The following PDE4A variants were observed in gnomAD, a reference collection of about 807,000 sequenced individuals.
PDE4A encodes 3',5'-cyclic-AMP phosphodiesterase 4A.
A neutral mutation model predicts 73.9 loss-of-function variants in PDE4A; 21 were observed. That is an observed-to-expected ratio of 0.28 (90% CI 0.20 to 0.41). PDE4A has a LOEUF of 0.41. Ranked by LOEUF, PDE4A falls within the 10% of genes least tolerant of loss-of-function variation. The probability of loss-of-function intolerance (pLI) is 1.00; values close to 1 mark genes in which losing one functional copy is unlikely to be tolerated. For missense variants in PDE4A, 958 were observed against 1,211.4 expected (o/e 0.79, Z 3.10); for synonymous variants, 463 against 505.4 (o/e 0.92, Z 1.13).
At chr19:10,441,014 T>C (rs1047325247) in intron 1 of PDE4A, among the ~76,000 whole-genome samples, 4 of 150,758 alleles carry the variant, frequency 2.7e-5, no homozygotes, top group Non-Finnish European at 1.5e-5. Context: ...CTGGGATTAC[T>C]GGTCTGAGCC....
intron 7 of PDE4A, 38 bp downstream of exon 7, chr19:10,454,960 A>G: frequency 6.2e-7 from 1 of 1,605,480 alleles, no homozygotes; most frequent in Non-Finnish European, 8.5e-7. Context: ...GAGGGGGGAC[A>G]TTTGGGGTAG....
Position 10,467,851 on chromosome 19 carries a change from A to C in PDE4A, c.*230A>C, listed in dbSNP as rs201176184. On this transcript the variant is annotated 3_prime_UTR_variant, in exon 15 of 15. Transcript: ENST00000380702. ...GGGGAATGAGGGGCTGAGGTCCCGG[A>C]AGGGATTTTATTTTTTTGAATTTTA... 4.4e-5 allele frequency: 17 copies of C among 390,482 alleles called. No individual in the cohort carries two copies. The highest frequency in any genetic ancestry group is 7.7e-5 in the Non-Finnish European group (17 of 221,690). 24.2% of individuals were successfully genotyped at this position (390,482 alleles called of 1,614,324 possible).
At position 10,453,777 on chromosome 19, in the gene PDE4A, G is replaced by A. The variant is rs2043130459; in HGVS notation, c.784-1052G>A. Among the ~76,000 whole-genome samples, 1 of 152,116 alleles carries A rather than the reference G, an allele frequency of 6.6e-6. No individual in the cohort carries two copies. Among genetic ancestry groups the A allele is most frequent in the Non-Finnish European group, 1.5e-5 (1 of 68,018 alleles). ...GCCCTTTGATCTGTGTGTCTGGGCTGTGTGACGCTGTGTAGGACTGAGAGC... is the reference window on the plus strand; with the variant it reads ...GCCCTTTGATCTGTGTGTCTGGGCTATGTGACGCTGTGTAGGACTGAGAGC... On this transcript the variant is annotated intron_variant, in intron 6 of 14. Transcript: ENST00000380702. The surrounding 1 kb of genome is among the most constrained non-coding windows in gnomAD (Gnocchi z 4.6).
intron 1 of PDE4A, among the ~76,000 whole-genome samples, chr19:10,426,610 C>T (rs992942039): frequency 8.6e-5 from 13 of 151,972 alleles, no homozygotes; most frequent in Non-Finnish European, 1.8e-4. Flanking sequence ...GTGGCTCAGG[C>T]CTGTAATCCC....
chr19:10,417,322 G>A (rs568963179), upstream of PDE4A: 193 of 985,302 alleles, frequency 2.0e-4, 3 homozygotes, highest in South Asian at 8.4e-3. Context: ...AAGACCAAGA[G>A]GGGCCCTCTT....
At chr19:10,460,605 G>A (rs1488848564) in intron 10 of PDE4A, among the ~76,000 whole-genome samples, 2 of 150,546 alleles carry the variant, frequency 1.3e-5, no homozygotes, top group Non-Finnish European at 3.0e-5. Flanking sequence ...GTCAGAAATG[G>A]CCAACATGGC....
intron 8 of PDE4A, 179 bp from the exon 9 acceptor site, chr19:10,459,221 C>G (rs1025138244): frequency 2.8e-6 from 3 of 1,076,302 alleles, no homozygotes; most frequent in Middle Eastern, 2.1e-4. Context: ...GCTGTGATTG[C>G]TTTCGCTATT....
intron 1 of PDE4A, among the ~76,000 whole-genome samples, chr19:10,427,086 G>A (rs1203867769): frequency 1.3e-5 from 2 of 152,018 alleles, no homozygotes; most frequent in East Asian, 3.9e-4. Context: ...TGGATCACGA[G>A]GTCACGAGTT....
intron 2 of PDE4A, among the ~76,000 whole-genome samples, chr19:10,447,217 C>CTTTTTTTTTT (rs34169084): frequency 1.7e-5 from 1 of 59,200 alleles, no homozygotes; most frequent in Non-Finnish European, 2.9e-5. Context: ...CTTTTTTTCT[C>CTTTTTTTTTT]TTTTTTTTTT....
rs926100035 is a variant in PDE4A, at chr19:10,463,701, C to T, written c.1744-92C>T. The T allele has an allele frequency of 4.5e-6, 7 of 1,568,694 alleles. No individual in the cohort carries two copies. The African/African-American group carries it at 9.5e-5, about 21-fold the overall frequency. On this transcript the variant is annotated intron_variant, in intron 13 of 14. Coordinates refer to ENST00000380702, the MANE Select transcript of PDE4A (RefSeq NM_001111307.2). ...CAGGCGTGAGCCACAGTGCCTGGCC[C>T]CCATTTCTTAAAAAAGAAGGAATGC...
intron 2 of PDE4A, 45 bp downstream of exon 2, chr19:10,446,454 C>T: frequency 6.3e-7 from 1 of 1,575,402 alleles, no homozygotes; most frequent in Non-Finnish European, 8.7e-7. Context: ...AGGCCTGGTC[C>T]TGCTGGAAGC....
rs575369296 is a variant in PDE4A at position 10,441,427 on chromosome 19, C to CT, written c.321-4780dup. On this transcript the variant is annotated intron_variant, in intron 1 of 14. Transcript: ENST00000380702. The stretch of plus-strand genomic sequence containing the variant: ...CAGGCGTGAGCCACCGTGCCCAGCC[C>CT]TTTTTTTTTTTAAGAGATGGGGTCT... Among the ~76,000 whole-genome samples the CT allele has an allele frequency of 5.3e-3, 771 of 144,916 alleles. 13 individuals are homozygous for CT. Among genetic ancestry groups the CT allele is most frequent in the East Asian group, 0.032 (160 of 4,940 alleles).
intron 4 of PDE4A, among the ~76,000 whole-genome samples, chr19:10,449,702 G>T (rs1004159507): frequency 2.0e-5 from 3 of 152,024 alleles, no homozygotes; most frequent in Non-Finnish European, 2.9e-5. Flanking sequence ...TGGATGCATG[G>T]TGGTGAGGCC....
intron 5 of PDE4A, 71 bp from the exon 6 acceptor site, chr19:10,450,758 C>T (rs1599436317): frequency 1.3e-6 from 2 of 1,577,840 alleles, no homozygotes; most frequent in East Asian, 2.3e-5. Context: ...AACCCCGTCA[C>T]GGCGGTCTGG....
Position 10,459,738 on chromosome 19 carries a change from G to A in PDE4A, c.1344G>A (p.Leu448=). The A allele has an allele frequency of 6.2e-7, 1 of 1,612,474 alleles. No homozygotes were observed. The highest frequency in any genetic ancestry group is 1.1e-5 in the South Asian group (1 of 90,896). The part of the protein sequence containing the change: ...AADVLQSTHV[L]LATPALDAVF... ...ACGTGCTGCAGTCCACCCACGTACT[G>A]CTGGCCACGCCTGCACTAGATGTGA... Residue 448 remains leucine (L), a synonymous_variant, in exon 10 of 15, where the codon CTG becomes CTA. Coordinates refer to ENST00000380702, the MANE Select transcript of PDE4A (RefSeq NM_001111307.2).
At chr19:10,438,361 T>C (rs1436274049) in intron 1 of PDE4A, among the ~76,000 whole-genome samples, 4 of 152,020 alleles carry the variant, frequency 2.6e-5, no homozygotes, top group African/African-American at 9.7e-5. Context: ...TCCGCCCGCC[T>C]CCGCCTGCCA....
At position 10,468,027 on chromosome 19, in the gene PDE4A, T is replaced by G. The variant is rs1280273771; in HGVS notation, c.*406T>G. 6.4e-6 allele frequency: 1 copy of G among 156,066 alleles called. No homozygotes were observed. Among genetic ancestry groups the G allele is most frequent in the African/African-American group, 2.4e-5 (1 of 41,528 alleles). 9.7% of individuals were successfully genotyped at this position (156,066 alleles called of 1,614,324 possible). A position where few individuals can be genotyped will look rare whatever the true frequency, so the allele number is the denominator to read the frequency against. On this transcript the variant is annotated 3_prime_UTR_variant, in exon 15 of 15. Transcript: ENST00000380702. The stretch of plus-strand genomic sequence containing the variant: ...TGCCCCCCAAGTTCCAGGCTCAGTC[T>G]TCCAGCCGCCTGGGGAGTCTCTACC...
At chr19:10,460,798 C>CA (rs34675916) in intron 10 of PDE4A, 1,396 of 103,280 alleles carry the variant, frequency 0.014, 8 homozygotes, top group African/African-American at 0.018. Flanking sequence ...AACTCTGTCT[C>CA]AAAAAAAAAA....
chr19:10,456,495 C>T (rs1052872309), intron 7 of PDE4A, among the ~76,000 whole-genome samples: 2 of 151,470 alleles, frequency 1.3e-5, no homozygotes, highest in African/African-American at 4.9e-5. Context: ...CACTGCACTC[C>T]AGCCTGGGTG....
Sources: gnomAD v4.1 joint callset for allele counts (sites outside exome capture counted in the v4.1 genomes callset) on GRCh38, gnomAD v4.1.1 for gene constraint, Gnocchi (gnomAD v3.1) non-coding constraint, MANE v1.5 for transcripts, NCBI Gene and HGNC (gene_info 2026-07-23, HGNC 2026-07-21) for gene names.